CTNNA2: variants seen among roughly 807,000 people sequenced by gnomAD.
CTNNA2 encodes the protein catenin alpha-2.
Under a neutral mutation model 101.0 loss-of-function variants are expected in CTNNA2, and 42 were observed. That is an observed-to-expected ratio of 0.42 (90% CI 0.32 to 0.54). The LOEUF is 0.54. Among genes scored for constraint, CTNNA2 ranks in the 20% least tolerant of loss-of-function variants. The pLI is 0.14. For missense variants in CTNNA2, 871 were observed against 1,223.1 expected (o/e 0.71, Z 4.29); for synonymous variants, 450 against 456.4 (o/e 0.99, Z 0.18).
intron 4 of CTNNA2, among the ~76,000 whole-genome samples, chr2:79,493,349 C>T (rs761064904): frequency 6.6e-6 from 1 of 152,072 alleles, no homozygotes; most frequent in South Asian, 2.1e-4. Context: ...AAATATTGGC[C>T]GACTGTGCCT....
At chr2:79,892,597 G>A (rs1684387666) in intron 6 of CTNNA2, among the ~76,000 whole-genome samples, 5 of 152,102 alleles carry the variant, frequency 3.3e-5, no homozygotes, top group Admixed American at 3.3e-4. Context: ...TTAAAGATAG[G>A]GCACTTGTAT....
At chr2:79,334,482 C>T (rs565792248) in intron 3 of CTNNA2, among the ~76,000 whole-genome samples, 50 of 152,124 alleles carry the variant, frequency 3.3e-4, no homozygotes, top group Non-Finnish European at 5.3e-4. Flanking sequence ...ATCATTTAGA[C>T]TAGGAGCATC....
At chr2:79,643,580 T>A (rs2104433390) in intron 1 of CTNNA2, among the ~76,000 whole-genome samples, 1 of 152,302 alleles carries the variant, frequency 6.6e-6, no homozygotes, top group Non-Finnish European at 1.5e-5. Flanking sequence ...ATTGCTGCAG[T>A]AAAAAAGTTA....
At chr2:80,094,933 A>G (rs1391573161) in intron 7 of CTNNA2, among the ~76,000 whole-genome samples, 2 of 152,222 alleles carry the variant, frequency 1.3e-5, no homozygotes, top group Non-Finnish European at 2.9e-5. Context: ...TAGATATACA[A>G]TCATGTCATC....
chr2:79,625,642 G>A (rs1679256986), intron 1 of CTNNA2, among the ~76,000 whole-genome samples: 1 of 152,152 alleles, frequency 6.6e-6, no homozygotes, highest in South Asian at 2.1e-4. Flanking sequence ...TACATGCTGA[G>A]GAGAGGGGCC....
chr2:80,239,473 G>A (rs924762411), intron 7 of CTNNA2, among the ~76,000 whole-genome samples: 4 of 152,108 alleles, frequency 2.6e-5, no homozygotes, highest in Non-Finnish European at 5.9e-5. Context: ...TTATCCACGG[G>A]GAATACGTTC....
At chr2:79,630,504 T>A (rs1319211008) in intron 1 of CTNNA2, among the ~76,000 whole-genome samples, 1 of 152,184 alleles carries the variant, frequency 6.6e-6, no homozygotes, top group Non-Finnish European at 1.5e-5. Flanking sequence ...AATGGGTTAT[T>A]TAAAACAGTA....
chr2:79,901,142 A>G (rs568067386), intron 6 of CTNNA2, among the ~76,000 whole-genome samples: 1 of 152,090 alleles, frequency 6.6e-6, no homozygotes, highest in South Asian at 2.1e-4. Flanking sequence ...TCATTGCTTT[A>G]ATTGCCCCAT....
chr2:80,549,495 A>G (rs1017644876), intron 11 of CTNNA2, among the ~76,000 whole-genome samples: 2 of 152,164 alleles, frequency 1.3e-5, no homozygotes, highest in African/African-American at 4.8e-5. Flanking sequence ...CTAAAATAGT[A>G]ATGTTGCCAA....
intron 9 of CTNNA2, among the ~76,000 whole-genome samples, chr2:80,527,072 T>A (rs547151387): frequency 6.6e-6 from 1 of 152,360 alleles, no homozygotes; most frequent in Admixed American, 6.5e-5. Flanking sequence ...CTCAGGAGAA[T>A]GTGCTTTTTG....
intron 3 of CTNNA2, among the ~76,000 whole-genome samples, chr2:79,820,591 A>G (rs1256669791): frequency 6.6e-6 from 1 of 152,216 alleles, no homozygotes; most frequent in African/African-American, 2.4e-5. Context: ...ATGTGTATGC[A>G]TATATGCACT....
chr2:80,005,504 C>T (rs1693272525), intron 7 of CTNNA2, among the ~76,000 whole-genome samples: 1 of 152,118 alleles, frequency 6.6e-6, no homozygotes, highest in Non-Finnish European at 1.5e-5. Context: ...CGCTGTTCTT[C>T]ATTTGTTTCA....
At chr2:80,036,485 G>C (rs1418683599) in intron 7 of CTNNA2, among the ~76,000 whole-genome samples, 5 of 152,026 alleles carry the variant, frequency 3.3e-5, no homozygotes, top group Non-Finnish European at 7.4e-5. Flanking sequence ...TGTGCCTGTA[G>C]TCCCAGCTAC....
At chr2:80,377,610 AATTGCATTTGC>A (rs1350654795) in intron 7 of CTNNA2, among the ~76,000 whole-genome samples, 1 of 152,190 alleles carries the variant, frequency 6.6e-6, no homozygotes, top group Non-Finnish European at 1.5e-5. Context: ...GAAGACTGGA[AATTGCATTTGC>A]ATTGTGATTT....
At chr2:79,352,060 T>C (rs1677400783) in intron 3 of CTNNA2, among the ~76,000 whole-genome samples, 1 of 152,354 alleles carries the variant, frequency 6.6e-6, no homozygotes, top group Non-Finnish European at 1.5e-5. Flanking sequence ...AACTGTTCCC[T>C]TTACTCTACA....
At chr2:80,134,750 C>T (rs1217941673) in intron 7 of CTNNA2, among the ~76,000 whole-genome samples, 1 of 152,158 alleles carries the variant, frequency 6.6e-6, no homozygotes, top group Non-Finnish European at 1.5e-5. Flanking sequence ...TTGCTCTGGG[C>T]TTGAAATTGT....
At chr2:80,594,017 G>T (rs1469167089) in intron 15 of CTNNA2, among the ~76,000 whole-genome samples, 7 of 152,044 alleles carry the variant, frequency 4.6e-5, no homozygotes, top group Admixed American at 3.3e-4. Context: ...GGATCATATA[G>T]TAATTCTTTT....
At chr2:80,032,193 A>T (rs1224305637) in intron 7 of CTNNA2, among the ~76,000 whole-genome samples, 1 of 151,928 alleles carries the variant, frequency 6.6e-6, no homozygotes, top group Non-Finnish European at 1.5e-5. Context: ...TTTTGAAAGG[A>T]TCCAGTGGCA....
At chr2:80,252,955 A>C (rs2149109201) in intron 7 of CTNNA2, among the ~76,000 whole-genome samples, 1 of 152,264 alleles carries the variant, frequency 6.6e-6, no homozygotes, top group East Asian at 1.9e-4. Context: ...GGTAACTGCA[A>C]CAAAGAAACC....
Sources: allele counts gnomAD v4.1 joint callset (sites outside exome capture counted in the v4.1 genomes callset), GRCh38; gene constraint gnomAD v4.1.1; transcripts MANE v1.5; gene names NCBI Gene and HGNC (gene_info 2026-07-23, HGNC 2026-07-21).